Variants in ABHD12 observed in about 807,000 individuals in gnomAD.
ABHD12 encodes lysophosphatidylserine lipase ABHD12.
A neutral mutation model predicts 58.3 loss-of-function variants in ABHD12; 43 were observed. The ratio of observed to expected loss-of-function variants is 0.74; its 90% CI spans 0.58 to 0.95. ABHD12 has a LOEUF of 0.95. Among genes scored for constraint, ABHD12 ranks in the 40% least tolerant of loss-of-function variants. The pLI, the probability that ABHD12 is intolerant of heterozygous loss-of-function variation, is 0.00. For synonymous variants in ABHD12, 219 were observed against 211.2 expected (o/e 1.04, Z -0.32); for missense variants, 539 against 537.2 (o/e 1.00, Z -0.03).
chr20:25,307,345 G>A (rs942765683), intron 9 of ABHD12, among the ~76,000 whole-genome samples: 2 of 152,270 alleles, frequency 1.3e-5, no homozygotes, highest in Admixed American at 6.5e-5. Flanking sequence ...AGGCTCTTCT[G>A]GTTGGTAACA....
intron 1 of ABHD12, among the ~76,000 whole-genome samples, chr20:25,345,141 A>G (rs1253535236): frequency 6.6e-6 from 1 of 151,446 alleles, no homozygotes; most frequent in Non-Finnish European, 1.5e-5. Context: ...GCTGAAGTGC[A>G]GTGGTGCCAT....
chr20:25,296,881 A>T (rs1348660973), downstream of ABHD12: 1 of 210,726 alleles, frequency 4.7e-6, no homozygotes, highest in Non-Finnish European at 9.5e-6. Flanking sequence ...TTTAGTGTTG[A>T]GCCTCTGGAT....
rs199757666 is a variant in ABHD12 at position 25,322,381 on chromosome 20, A to ATTTTTTTTTT, written c.422+934_422+943dup. Among the ~76,000 whole-genome samples the ATTTTTTTTTT allele has an allele frequency of 6.6e-4, 39 of 59,224 alleles. 2 individuals are homozygous for ATTTTTTTTTT. Among genetic ancestry groups the ATTTTTTTTTT allele is most frequent in the South Asian group, 1.2e-3 (2 of 1,722 alleles). The allele number at this position is 59,224 out of a possible 152,430, so 38.9% of individuals were successfully genotyped here. On this transcript the variant is annotated intron_variant, in intron 3 of 12. Transcript: ENST00000339157. ...GGAAAAGATATATATATATATATAT[A>ATTTTTTTTTT]TTTTTTTTTTTTTTTGAGACAAGAG...
intron 2 of ABHD12, among the ~76,000 whole-genome samples, chr20:25,332,599 A>G (rs1046625932): frequency 0.016 from 2,485 of 151,922 alleles, 28 homozygotes; most frequent in Non-Finnish European, 0.028. Context: ...AAATTATAAT[A>G]AACTATCTCT....
intron 1 of ABHD12, among the ~76,000 whole-genome samples, chr20:25,349,083 CAAA>C (rs61219186): frequency 3.2e-5 from 2 of 61,622 alleles, no homozygotes; most frequent in Non-Finnish European, 3.6e-5. Flanking sequence ...GACTCCGTCT[CAAA>C]AAAAAAAAAA....
intron 2 of ABHD12, among the ~76,000 whole-genome samples, chr20:25,338,367 C>T (rs2146032927): frequency 6.6e-6 from 1 of 152,330 alleles, no homozygotes; most frequent in Non-Finnish European, 1.5e-5. Context: ...CTGCCTCATC[C>T]TGTTCTAATG....
chr20:25,387,994 T>C (rs1393238726), intron 1 of ABHD12, among the ~76,000 whole-genome samples: 3 of 145,996 alleles, frequency 2.1e-5, no homozygotes, highest in South Asian at 2.2e-4. Context: ...TGAGCCGAGA[T>C]TGCCACTGCA....
chr20:25,330,672 C>A (rs911980598), intron 2 of ABHD12, among the ~76,000 whole-genome samples: 6 of 152,186 alleles, frequency 3.9e-5, no homozygotes, highest in Non-Finnish European at 8.8e-5. Context: ...CCCCGAGCAG[C>A]CTAACTGGGA....
intron 2 of ABHD12, among the ~76,000 whole-genome samples, chr20:25,327,177 C>T (rs1442758355): frequency 2.0e-5 from 3 of 152,206 alleles, no homozygotes; most frequent in Admixed American, 2.0e-4. Context: ...TGTTATGAAA[C>T]CCAAAGGGGT....
chr20:25,330,833 C>T (rs2089260569), intron 2 of ABHD12, among the ~76,000 whole-genome samples: 1 of 151,992 alleles, frequency 6.6e-6, no homozygotes. Flanking sequence ...TCATCAAAGA[C>T]CAAAAGTAGA....
intron 1 of ABHD12, chr20:25,339,764 G>T (rs185329556): frequency 7.8e-7 from 1 of 1,289,822 alleles, no homozygotes. Context: ...GCAGGCAGGC[G>T]TAGGTTACTT....
chr20:25,322,379 ATATT>A lies in ABHD12; in HGVS notation c.422+942_422+945del, dbSNP rs770902668. Among the ~76,000 whole-genome samples the A allele has an allele frequency of 1.1e-4, 6 of 53,680 alleles. No homozygotes were observed. The South Asian group carries it at 2.3e-3, about 21-fold the overall frequency. The allele number at this position is 53,680 out of a possible 152,430, so 35.2% of individuals were successfully genotyped here. ...TTGGAAAAGATATATATATATATAT[ATATT>A]TTTTTTTTTTTTTGAGACAAGAGTC... On this transcript the variant is annotated intron_variant, in intron 3 of 12. Coordinates refer to ENST00000339157, the MANE Select transcript of ABHD12 (RefSeq NM_001042472.3).
Position 25,300,893 on chromosome 20 carries a change from C to T in ABHD12, c.1158-9G>A, listed in dbSNP as rs767611434. 3.1e-6 allele frequency: 5 copies of T among 1,613,446 alleles called. No individual in the cohort carries two copies. In the Admixed American group the frequency reaches 8.3e-5, roughly 27 times the overall value. ...ACTTCCCCAGGAATTCCCTAGACCA[C>T]AGGACAATCAGGAGCCAATCATTTG... On this transcript the variant is annotated splice_polypyrimidine_tract_variant and intron_variant, in intron 12 of 12. Transcript: ENST00000339157.
rs1051008235 is a variant in ABHD12 at position 25,300,892 on chromosome 20, A to G, written c.1158-8T>C. 2.0e-5 allele frequency: 33 copies of G among 1,613,740 alleles called. No individual in the cohort carries two copies. The highest frequency in any genetic ancestry group is 2.7e-5 in the Non-Finnish European group (32 of 1,179,756). ...GACTTCCCCAGGAATTCCCTAGACC[A>G]CAGGACAATCAGGAGCCAATCATTT... On this transcript the variant is annotated splice_region_variant and splice_polypyrimidine_tract_variant and intron_variant, in intron 12 of 12. Transcript: ENST00000339157.
chr20:25,356,392 T>C (rs1315501386), intron 1 of ABHD12, among the ~76,000 whole-genome samples: 1 of 152,236 alleles, frequency 6.6e-6, no homozygotes, highest in Non-Finnish European at 1.5e-5. Context: ...GGCAGATGGC[T>C]TTCCCAGGCG....
At chr20:25,319,479 C>A (rs1212412356) in intron 4 of ABHD12, among the ~76,000 whole-genome samples, 3 of 152,200 alleles carry the variant, frequency 2.0e-5, no homozygotes, top group Non-Finnish European at 4.4e-5. Context: ...CAGCCTCTCC[C>A]TCCTGCCCCT....
intron 1 of ABHD12, chr20:25,368,217 T>C: frequency 7.5e-7 from 1 of 1,329,882 alleles, no homozygotes; most frequent in South Asian, 1.2e-5. Context: ...GGAGGGGTGC[T>C]CTCCTGAGCT....
At chr20:25,345,310 C>T (rs2089504488) in intron 1 of ABHD12, among the ~76,000 whole-genome samples, 1 of 152,166 alleles carries the variant, frequency 6.6e-6, no homozygotes, top group East Asian at 1.9e-4. Context: ...TGGTCTTGAT[C>T]TCCTGATCTC....
At chr20:25,348,222 G>A (rs7268608) in intron 1 of ABHD12, among the ~76,000 whole-genome samples, 16 of 151,280 alleles carry the variant, frequency 1.1e-4, no homozygotes, top group African/African-American at 3.4e-4. Context: ...AAAAAAAAAG[G>A]AAAAAAGTTC....
Sources: allele counts gnomAD v4.1 joint callset (sites outside exome capture counted in the v4.1 genomes callset), GRCh38; gene constraint gnomAD v4.1.1; transcripts MANE v1.5; gene names NCBI Gene and HGNC (gene_info 2026-07-23, HGNC 2026-07-21).